Variants in TMTC2 observed in about 807,000 individuals in gnomAD.
The protein encoded by TMTC2 is transmembrane O-mannosyltransferase targeting cadherins 2, also known as protein O-mannosyl-transferase TMTC2.
Under a neutral mutation model 82.4 loss-of-function variants are expected in TMTC2, and 43 were observed. The ratio of observed to expected loss-of-function variants is 0.52; its 90% CI spans 0.41 to 0.67. The LOEUF is 0.67. Ranked by LOEUF, TMTC2 falls within the 30% of genes least tolerant of loss-of-function variation. The pLI, the probability that TMTC2 is intolerant of heterozygous loss-of-function variation, is 0.00. For missense variants in TMTC2, 919 were observed against 1,012.4 expected (o/e 0.91, Z 1.25); for synonymous variants, 408 against 381.9 (o/e 1.07, Z -0.80).
At chr12:83,006,265 T>A (rs2403054) in intron 8 of TMTC2, among the ~76,000 whole-genome samples, 1 of 151,982 alleles carries the variant, frequency 6.6e-6, no homozygotes, top group South Asian at 2.1e-4. Flanking sequence ...TGTCAACTCT[T>A]AGTGTTTTCT....
intron 4 of TMTC2, among the ~76,000 whole-genome samples, chr12:82,956,667 T>G (rs949468076): frequency 6.6e-6 from 1 of 152,104 alleles, no homozygotes; most frequent in African/African-American, 2.4e-5. Context: ...TTGACCAGAC[T>G]GGTATTGAAC....
At chr12:82,869,958 A>G (rs1446486498) in intron 2 of TMTC2, among the ~76,000 whole-genome samples, 1 of 152,142 alleles carries the variant, frequency 6.6e-6, no homozygotes, top group Non-Finnish European at 1.5e-5. Flanking sequence ...GCCTCTCCCA[A>G]CCAGGTTGAA....
chr12:82,808,325 G>A (rs1362613298), intron 1 of TMTC2, among the ~76,000 whole-genome samples: 3 of 147,736 alleles, frequency 2.0e-5, no homozygotes, highest in Non-Finnish European at 3.0e-5. Flanking sequence ...TGTTATGCTT[G>A]CTTAAAAAAT....
intron 2 of TMTC2, among the ~76,000 whole-genome samples, chr12:82,869,641 C>A (rs1872062460): frequency 6.6e-6 from 1 of 151,874 alleles, no homozygotes; most frequent in Admixed American, 6.6e-5. Context: ...GAGTTCGAGA[C>A]CAGCCTGAGC....
chr12:82,878,179 G>T (rs75269960), intron 2 of TMTC2, among the ~76,000 whole-genome samples: 1 of 152,174 alleles, frequency 6.6e-6, no homozygotes, highest in South Asian at 2.1e-4. Context: ...TGCTGGTCTA[G>T]TTGCTATGGA....
At chr12:83,042,705 A>C (rs538393333) in intron 9 of TMTC2, among the ~76,000 whole-genome samples, 1 of 152,278 alleles carries the variant, frequency 6.6e-6, no homozygotes, top group East Asian at 1.9e-4. Flanking sequence ...GGCATTTCAT[A>C]ACCCTTTTGC....
At chr12:82,978,480 G>T (rs1878778177) in intron 7 of TMTC2, among the ~76,000 whole-genome samples, 1 of 151,452 alleles carries the variant, frequency 6.6e-6, no homozygotes, top group Admixed American at 6.6e-5. Context: ...TAATTTCCGT[G>T]TGTGTGTGTG....
rs530644277 is a variant in TMTC2 at position 82,957,449 on chromosome 12, G to A, written c.1599-7575G>A. ...AAGGCTAGGAAGATTTTAAATTAAT[G>A]ATCTAACATCAAACCTAAACTAGAA... is the stretch of plus-strand genomic sequence containing the variant. On this transcript the variant is annotated intron_variant, in intron 4 of 11. Coordinates refer to ENST00000321196, the MANE Select transcript of TMTC2 (RefSeq NM_152588.3). 1.5e-4 allele frequency among the ~76,000 whole-genome samples: 23 copies of A among 152,184 alleles called. No individual in the cohort carries two copies. The South Asian group carries it at 4.6e-3, about 30-fold the overall frequency.
chr12:82,974,024 T>G (rs1878560095), intron 7 of TMTC2, among the ~76,000 whole-genome samples: 1 of 152,218 alleles, frequency 6.6e-6, no homozygotes, highest in Non-Finnish European at 1.5e-5. Context: ...CCTAATTATA[T>G]CTTCCTTATT....
intron 11 of TMTC2, among the ~76,000 whole-genome samples, chr12:83,106,456 G>A (rs997539676): frequency 4.3e-5 from 6 of 141,000 alleles, no homozygotes; most frequent in Non-Finnish European, 7.5e-5. Context: ...CCGAGATCAC[G>A]CCATTGCACT....
rs867929331 is a variant in TMTC2, at chr12:82,769,334, G to A, written c.83+81665G>A. Among the ~76,000 whole-genome samples, 37 of 151,950 alleles carry A rather than the reference G, an allele frequency of 2.4e-4. No individual in the cohort carries two copies. The Middle Eastern group carries it at 0.017, about 70-fold the overall frequency. On this transcript the variant is annotated intron_variant, in intron 1 of 11. Transcript: ENST00000321196. The stretch of plus-strand genomic sequence containing the variant: ...ACTAAAAAAATACAAAAATTAGCCA[G>A]GCGTGGTGGCAGGTGCCTGTAATCC...
intron 2 of TMTC2, among the ~76,000 whole-genome samples, chr12:82,863,093 C>G (rs1306615504): frequency 6.6e-6 from 1 of 152,102 alleles, no homozygotes; most frequent in African/African-American, 2.4e-5. Context: ...TTGATGGAAT[C>G]TGTTATCATT....
chr12:82,779,083 T>C (rs1877759718), intron 1 of TMTC2, among the ~76,000 whole-genome samples: 1 of 150,080 alleles, frequency 6.7e-6, no homozygotes, highest in African/African-American at 2.4e-5. Flanking sequence ...ATTTAAAGGC[T>C]GAGTAGCTCT....
At chr12:83,029,177 G>T (rs557707610) in intron 8 of TMTC2, among the ~76,000 whole-genome samples, 1 of 152,264 alleles carries the variant, frequency 6.6e-6, no homozygotes, top group African/African-American at 2.4e-5. Flanking sequence ...GAGGGAGTAT[G>T]GAGAAAAGAG....
intron 1 of TMTC2, among the ~76,000 whole-genome samples, chr12:82,800,840 A>G (rs996523823): frequency 6.6e-6 from 1 of 152,162 alleles, no homozygotes; most frequent in Non-Finnish European, 1.5e-5. Flanking sequence ...TATGAAATGT[A>G]TTTGTGTGTG....
At chr12:82,956,764 G>T (rs1877637277) in intron 4 of TMTC2, among the ~76,000 whole-genome samples, 1 of 151,982 alleles carries the variant, frequency 6.6e-6, no homozygotes. Flanking sequence ...AGGTAAAACA[G>T]ACTTTAAATG....
intron 11 of TMTC2, among the ~76,000 whole-genome samples, chr12:83,108,885 T>C (rs1884506123): frequency 6.6e-6 from 1 of 152,188 alleles, no homozygotes; most frequent in South Asian, 2.1e-4. Flanking sequence ...TTTATTCTTA[T>C]TAATATGTTA....
intron 11 of TMTC2, among the ~76,000 whole-genome samples, chr12:83,087,583 G>T (rs1883705599): frequency 6.8e-6 from 1 of 147,516 alleles, no homozygotes. Context: ...CATGGCTGCA[G>T]AATGGATATT....
intron 2 of TMTC2, among the ~76,000 whole-genome samples, chr12:82,893,705 A>T (rs781642331): frequency 2.0e-5 from 3 of 152,206 alleles, no homozygotes; most frequent in Non-Finnish European, 4.4e-5. Context: ...ATTAAAAAAA[A>T]AACTTTCATA....
Sources: gnomAD v4.1 joint callset for allele counts (sites outside exome capture counted in the v4.1 genomes callset) on GRCh38, gnomAD v4.1.1 for gene constraint, MANE v1.5 for transcripts, NCBI Gene and HGNC (gene_info 2026-07-23, HGNC 2026-07-21) for gene names.